The following DAB1 variants were observed in gnomAD, a reference collection of about 807,000 sequenced individuals.
DAB1 encodes DAB adaptor protein 1, also known as disabled homolog 1.
A neutral mutation model predicts 64.6 loss-of-function variants in DAB1; 15 were observed. That is an observed-to-expected ratio of 0.23 (90% CI 0.16 to 0.36). The LOEUF is 0.36. Ranked by LOEUF, DAB1 falls within the 10% of genes least tolerant of loss-of-function variation. The probability of loss-of-function intolerance (pLI) is 1.00; values close to 1 mark genes in which losing one functional copy is unlikely to be tolerated. For missense variants in DAB1, 596 were observed against 706.7 expected, an observed-to-expected ratio of 0.84 and a Z score of 1.78; for synonymous variants, 235 against 251.9, an observed-to-expected ratio of 0.93 and a Z score of 0.64.
intron 5 of DAB1, among the ~76,000 whole-genome samples, chr1:57,968,575 C>A (rs373966683): frequency 6.6e-6 from 1 of 152,092 alleles, no homozygotes; most frequent in Non-Finnish European, 1.5e-5. Context: ...TTAAGAATTG[C>A]GGTAGAACAC....
chr1:57,663,941 C>A (rs1023485031), intron 6 of DAB1, among the ~76,000 whole-genome samples: 13 of 152,062 alleles, frequency 8.5e-5, no homozygotes, highest in Non-Finnish European at 2.9e-5. Flanking sequence ...ATGTGTAGGA[C>A]CAAAACTCAT....
chr1:58,039,615 A>T (rs1647102869), intron 5 of DAB1, among the ~76,000 whole-genome samples: 1 of 151,558 alleles, frequency 6.6e-6, no homozygotes, highest in African/African-American at 2.4e-5. Flanking sequence ...CGTCCCCCAC[A>T]TTCTTTTTCA....
At chr1:57,572,978 C>T (rs1645210034) in intron 7 of DAB1, among the ~76,000 whole-genome samples, 2 of 152,198 alleles carry the variant, frequency 1.3e-5, no homozygotes, top group Non-Finnish European at 2.9e-5. Flanking sequence ...ATGACCCAAA[C>T]ATCTCCCACC....
intron 1 of DAB1, among the ~76,000 whole-genome samples, chr1:58,543,959 T>C (rs1646662537): frequency 6.6e-6 from 1 of 152,214 alleles, no homozygotes; most frequent in Non-Finnish European, 1.5e-5. Context: ...CTCAGTTAAA[T>C]GGCCATATGT....
chr1:57,513,174 T>C (rs550944018), intron 7 of DAB1, among the ~76,000 whole-genome samples: 29 of 152,220 alleles, frequency 1.9e-4, no homozygotes, highest in African/African-American at 6.7e-4. Context: ...ACATGATCCA[T>C]TGAGCTCTCA....
intron 5 of DAB1, among the ~76,000 whole-genome samples, chr1:58,095,137 C>T (rs1007782013): frequency 5.9e-5 from 9 of 152,182 alleles, no homozygotes; most frequent in Middle Eastern, 3.2e-3. Flanking sequence ...AGGACATGGT[C>T]TGTTTTATTA....
chr1:58,345,301 C>A (rs554591196), intron 3 of DAB1, among the ~76,000 whole-genome samples: 1 of 152,170 alleles, frequency 6.6e-6, no homozygotes, highest in African/African-American at 2.4e-5. Flanking sequence ...CACCCCCATG[C>A]CACCAATAAC....
intron 7 of DAB1, among the ~76,000 whole-genome samples, chr1:57,523,889 C>T (rs1378281782): frequency 1.3e-5 from 2 of 151,922 alleles, no homozygotes; most frequent in African/African-American, 4.8e-5. Flanking sequence ...CATGCCACTG[C>T]ACTCCAGCCT....
At chr1:57,612,529 G>A (rs1177126466) in intron 7 of DAB1, among the ~76,000 whole-genome samples, 1 of 152,082 alleles carries the variant, frequency 6.6e-6, no homozygotes, top group Non-Finnish European at 1.5e-5. Context: ...AAGATGCTAT[G>A]CTGCTGGACT....
At chr1:57,059,834 A>C (rs1650199508) in intron 9 of DAB1, among the ~76,000 whole-genome samples, 1 of 152,148 alleles carries the variant, frequency 6.6e-6, no homozygotes, top group South Asian at 2.1e-4. Context: ...AACTGCAGCC[A>C]CCTGTCTCTA....
upstream of DAB1, among the ~76,000 whole-genome samples, chr1:57,886,202 A>G (rs1453938646): frequency 1.5e-5 from 2 of 136,734 alleles, no homozygotes; most frequent in East Asian, 2.1e-4. Context: ...GTCTCCCTCC[A>G]TCAACCAGTG....
intron 3 of DAB1, among the ~76,000 whole-genome samples, chr1:58,408,168 C>A (rs148768425): frequency 4.6e-5 from 7 of 152,304 alleles, no homozygotes; most frequent in African/African-American, 1.7e-4. Flanking sequence ...GCCATCCAGG[C>A]GATTCTGATG....
At chr1:57,741,218 A>C (rs546750491) in intron 6 of DAB1, among the ~76,000 whole-genome samples, 17 of 152,340 alleles carry the variant, frequency 1.1e-4, no homozygotes, top group African/African-American at 4.1e-4. Context: ...TATTCATAAA[A>C]TAAATCTTCT....
At chr1:57,035,963 C>A (rs1225594593) in intron 9 of DAB1, among the ~76,000 whole-genome samples, 1 of 150,450 alleles carries the variant, frequency 6.6e-6, no homozygotes, top group Non-Finnish European at 1.5e-5. Flanking sequence ...CTGCCTCAGC[C>A]TCCCGAGTAG....
At chr1:57,968,888 T>C (rs1281186163) in intron 5 of DAB1, among the ~76,000 whole-genome samples, 3 of 152,170 alleles carry the variant, frequency 2.0e-5, no homozygotes, top group Non-Finnish European at 4.4e-5. Flanking sequence ...TTCTGAATTC[T>C]TTCCCTGCAT....
At chr1:57,951,159 G>A (rs1456139955) in intron 5 of DAB1, among the ~76,000 whole-genome samples, 2 of 151,322 alleles carry the variant, frequency 1.3e-5, no homozygotes, top group African/African-American at 4.9e-5. Flanking sequence ...CTATTTTAAT[G>A]GTTACATATA....
At position 58,003,396 on chromosome 1, in the gene DAB1, C is replaced by G. The variant is rs142827780; in HGVS notation, n.388-119234G>C. ...TCCAACTGACACTACTTAAAATTTGCATTGTAGATGGGAGAGACTTCATTT... is the reference window on the plus strand; with the variant it reads ...TCCAACTGACACTACTTAAAATTTGGATTGTAGATGGGAGAGACTTCATTT... On this transcript the variant is annotated intron_variant and non_coding_transcript_variant, in intron 5 of 20. Coordinates refer to the DAB1 transcript ENST00000485760. Among the ~76,000 whole-genome samples the G allele has an allele frequency of 1.2e-4, 19 of 152,270 alleles. 1 individual carries two copies. In the East Asian group the frequency reaches 3.5e-3, roughly 28 times the overall value.
chr1:57,713,652 T>C (rs1647051462), intron 6 of DAB1, among the ~76,000 whole-genome samples: 1 of 152,180 alleles, frequency 6.6e-6, no homozygotes, highest in African/African-American at 2.4e-5. Context: ...ATCCCATCAA[T>C]GGATATTCAT....
intron 5 of DAB1, among the ~76,000 whole-genome samples, chr1:57,900,955 C>A (rs1180809419): frequency 6.6e-6 from 1 of 152,132 alleles, no homozygotes; most frequent in East Asian, 1.9e-4. Context: ...ATAAACACTC[C>A]TTGGATAAGT....
Sources: gnomAD v4.1 joint callset for allele counts (sites outside exome capture counted in the v4.1 genomes callset) on GRCh38, gnomAD v4.1.1 for gene constraint, MANE v1.5 for transcripts, NCBI Gene and HGNC (gene_info 2026-07-23, HGNC 2026-07-21) for gene names.